The following GABRG3 variants were observed in gnomAD, a reference collection of about 807,000 sequenced individuals.
GABRG3 encodes gamma-aminobutyric acid type A receptor subunit gamma3.
A neutral mutation model predicts 48.8 loss-of-function variants in GABRG3; 25 were observed. The observed-to-expected ratio is 0.51, with a 90% CI of 0.37 to 0.72. The LOEUF is 0.72. Ranked by LOEUF, GABRG3 falls within the 30% of genes least tolerant of loss-of-function variation. The pLI is 0.00. For synonymous variants in GABRG3, 227 were observed against 217.6 expected, an observed-to-expected ratio of 1.04 and a Z score of -0.38; for missense variants, 394 against 577.9, an observed-to-expected ratio of 0.68 and a Z score of 3.26.
intron 5 of GABRG3, among the ~76,000 whole-genome samples, chr15:27,342,850 T>G (rs1363446885): frequency 2.6e-5 from 4 of 152,234 alleles, no homozygotes; most frequent in Admixed American, 1.3e-4. Context: ...CCGCCTCACC[T>G]GCTCCTGCCT....
chr15:27,265,558 G>A (rs1028835996), intron 3 of GABRG3, among the ~76,000 whole-genome samples: 1 of 152,144 alleles, frequency 6.6e-6, no homozygotes, highest in Admixed American at 6.5e-5. Context: ...ACATCGGAGC[G>A]AAGGGAAGCG....
intron 3 of GABRG3, among the ~76,000 whole-genome samples, chr15:27,027,695 A>G (rs1296505666): frequency 6.6e-6 from 1 of 152,220 alleles, no homozygotes; most frequent in African/African-American, 2.4e-5. Flanking sequence ...ATTCACTTAA[A>G]AAATCTCCAT....
intron 3 of GABRG3, among the ~76,000 whole-genome samples, chr15:27,146,103 T>C (rs1218917032): frequency 2.0e-5 from 3 of 152,068 alleles, no homozygotes; most frequent in African/African-American, 7.2e-5. Flanking sequence ...CAAGAAATAC[T>C]AAAGAGGGAC....
intron 3 of GABRG3, among the ~76,000 whole-genome samples, chr15:27,082,867 C>G (rs906135932): frequency 6.6e-6 from 1 of 152,182 alleles, no homozygotes; most frequent in African/African-American, 2.4e-5. Context: ...GGGACCTGCT[C>G]CCGCTTCTCT....
At chr15:27,082,524 C>A (rs1014516024) in intron 3 of GABRG3, among the ~76,000 whole-genome samples, 4 of 151,986 alleles carry the variant, frequency 2.6e-5, no homozygotes, top group Non-Finnish European at 5.9e-5. Flanking sequence ...CAAGGGGTGC[C>A]CTGCATTAAA....
chr15:27,142,969 G>A (rs1225784891), intron 3 of GABRG3, among the ~76,000 whole-genome samples: 1 of 152,052 alleles, frequency 6.6e-6, no homozygotes, highest in African/African-American at 2.4e-5. Context: ...TGCCAAGGCT[G>A]GTCTCAAACT....
At chr15:26,982,409 G>A (rs1895072789) in intron 2 of GABRG3, among the ~76,000 whole-genome samples, 2 of 152,176 alleles carry the variant, frequency 1.3e-5, no homozygotes, top group Admixed American at 1.3e-4. Flanking sequence ...AATTGCAAAT[G>A]GGGAGACAGT....
chr15:27,145,316 C>T (rs2140392370), intron 3 of GABRG3, among the ~76,000 whole-genome samples: 1 of 151,988 alleles, frequency 6.6e-6, no homozygotes, highest in East Asian at 1.9e-4. Flanking sequence ...AGAAAGACAT[C>T]TCACCAAATG....
chr15:27,433,339 C>A (rs1369927371), intron 5 of GABRG3, among the ~76,000 whole-genome samples: 2 of 152,138 alleles, frequency 1.3e-5, no homozygotes, highest in Admixed American at 1.3e-4. Flanking sequence ...ATGGCTCTTA[C>A]CAGGCTAAAA....
intron 5 of GABRG3, 75 bp from the exon 6 acceptor site, chr15:27,480,575 T>C: frequency 7.6e-7 from 1 of 1,318,786 alleles, no homozygotes; most frequent in Non-Finnish European, 1.0e-6. Flanking sequence ...AATTCATTGA[T>C]CAGAATTATA....
intron 3 of GABRG3, among the ~76,000 whole-genome samples, chr15:27,227,703 CA>C (rs1366416820): frequency 6.6e-6 from 1 of 151,414 alleles, no homozygotes; most frequent in Non-Finnish European, 1.5e-5. Flanking sequence ...AAAAAGAAAA[CA>C]ACCATGGCAA....
At chr15:27,027,559 G>A (rs1001289176) in intron 3 of GABRG3, among the ~76,000 whole-genome samples, 2 of 152,342 alleles carry the variant, frequency 1.3e-5, no homozygotes, top group Middle Eastern at 3.4e-3. Context: ...GCAGTGTTCT[G>A]TGGATGGAAA....
rs572588817 is a variant in GABRG3 at position 27,039,648 on chromosome 15, T to A, written c.270+12827T>A. 2.6e-5 allele frequency among the ~76,000 whole-genome samples: 4 copies of A among 152,324 alleles called. No homozygotes were observed. In the East Asian group the frequency reaches 7.7e-4, roughly 29 times the overall value. ...ATCCATTTTCCAACTCAACTCTAAG[T>A]AGGACCCACTGTTTCCTGACAGTGC... On this transcript the variant is annotated intron_variant, in intron 3 of 9. Transcript: ENST00000615808.
rs116188910 is a variant in GABRG3 at position 27,074,451 on chromosome 15, C to A, written c.270+47630C>A. On this transcript the variant is annotated intron_variant, in intron 3 of 9. Coordinates refer to ENST00000615808, the MANE Select transcript of GABRG3 (RefSeq NM_033223.5). Reference sequence around the variant, plus strand: ...AGAAGCATGTCTCACACGCTGCCCACGCTCAGTGCAAGGGACAAGAGTCCA... The same window carrying A: ...AGAAGCATGTCTCACACGCTGCCCAAGCTCAGTGCAAGGGACAAGAGTCCA... Among the ~76,000 whole-genome samples, 372 of 151,910 alleles carry A rather than the reference C, an allele frequency of 2.4e-3. 2 individuals are homozygous for A. Among genetic ancestry groups the A allele is most frequent in the African/African-American group, 8.3e-3 (343 of 41,488 alleles).
At chr15:27,477,639 A>G (rs527843069) in intron 5 of GABRG3, among the ~76,000 whole-genome samples, 35 of 152,322 alleles carry the variant, frequency 2.3e-4, no homozygotes, top group African/African-American at 7.7e-4. Flanking sequence ...GATATTGACA[A>G]TGGAGGAGGC....
At chr15:27,092,930 G>A (rs1897214252) in intron 3 of GABRG3, among the ~76,000 whole-genome samples, 1 of 151,862 alleles carries the variant, frequency 6.6e-6, no homozygotes, top group Non-Finnish European at 1.5e-5. Context: ...TGGTCTGGTA[G>A]CTGAGTTTGT....
chr15:27,012,789 T>C (rs1895713243), intron 2 of GABRG3, among the ~76,000 whole-genome samples: 1 of 152,204 alleles, frequency 6.6e-6, no homozygotes, highest in African/African-American at 2.4e-5. Flanking sequence ...ATTTAAATGC[T>C]AAGAAAGTGG....
chr15:27,023,625 G>C (rs1895936000), intron 2 of GABRG3, among the ~76,000 whole-genome samples: 1 of 152,140 alleles, frequency 6.6e-6, no homozygotes, highest in East Asian at 1.9e-4. Flanking sequence ...TCCATGTTGT[G>C]GCACGTATCA....
At chr15:27,241,786 T>C (rs1289279554) in intron 3 of GABRG3, among the ~76,000 whole-genome samples, 3 of 152,258 alleles carry the variant, frequency 2.0e-5, no homozygotes, top group Admixed American at 2.0e-4. Context: ...CTTCTCACGC[T>C]ATGTCTCTTT....
Sources: allele counts gnomAD v4.1 joint callset (sites outside exome capture counted in the v4.1 genomes callset), GRCh38; gene constraint gnomAD v4.1.1; transcripts MANE v1.5; gene names NCBI Gene and HGNC (gene_info 2026-07-23, HGNC 2026-07-21).